The following TXNRD3 variants were observed in gnomAD, a reference collection of about 807,000 sequenced individuals.
The protein encoded by TXNRD3 is TXNRD3 neighbor gene protein.
TXNRD3 carries 68 observed loss-of-function variants against 78.2 expected under a neutral mutation model. The observed-to-expected ratio is 0.87, with a 90% confidence interval of 0.72 to 1.06. The LOEUF is 1.06. TXNRD3 is among the 50% of genes least tolerant of loss of function. The probability of loss-of-function intolerance (pLI) is 0.00; values close to 1 mark genes in which losing one functional copy is unlikely to be tolerated. For synonymous variants in TXNRD3, 296 were observed against 300.1 expected (o/e 0.99, Z 0.14); for missense variants, 751 against 809.5 (o/e 0.93, Z 0.88).
Position 126,621,076 on chromosome 3 carries a change from T to C in TXNRD3, c.1524+666A>G, listed in dbSNP as rs1388049614. On this transcript the variant is annotated intron_variant, in intron 12 of 15. Transcript: ENST00000524230. ...CAAGCACTACAGGTCTCTGCGTCCT[T>C]AGCCGAGTTATCTGCCCACCTGAAA... 2.3e-4 allele frequency among the ~76,000 whole-genome samples: 35 copies of C among 152,188 alleles called. 2 individuals are homozygous for C. Among genetic ancestry groups the C allele is most frequent in the Admixed American group, 2.3e-3 (35 of 15,282 alleles).
intron 2 of TXNRD3, among the ~76,000 whole-genome samples, chr3:126,646,638 T>C (rs938201674): frequency 5.9e-5 from 9 of 152,220 alleles, no homozygotes; most frequent in African/African-American, 2.2e-4. Flanking sequence ...GGTCCATCAC[T>C]ACTTAAGACT....
chr3:126,613,384 A>C (rs532207708), intron 13 of TXNRD3, among the ~76,000 whole-genome samples: 12 of 152,104 alleles, frequency 7.9e-5, no homozygotes, highest in Non-Finnish European at 1.6e-4. Context: ...ATACAGTTAT[A>C]CTCTTAGCTA....
At chr3:126,621,679 G>C (rs1938459274) in intron 12 of TXNRD3, 63 bp downstream of exon 12, 1 of 1,379,160 alleles carries the variant, frequency 7.3e-7, no homozygotes, top group South Asian at 1.7e-5. Context: ...AGTTTTACTT[G>C]TATTAGTTTT....
chr3:126,621,315 G>C (rs942273206), intron 12 of TXNRD3, among the ~76,000 whole-genome samples: 1 of 152,210 alleles, frequency 6.6e-6, no homozygotes, highest in Non-Finnish European at 1.5e-5. Context: ...CCAGAATCCT[G>C]ATTCATGCCA....
intron 3 of TXNRD3, among the ~76,000 whole-genome samples, chr3:126,645,468 AAC>A (rs969353934): frequency 8.5e-5 from 13 of 152,342 alleles, no homozygotes; most frequent in African/African-American, 3.1e-4. Context: ...ATCATAGATT[AAC>A]ACACAACATA....
chr3:126,631,006 G>A, intron 8 of TXNRD3, 69 bp from the exon 9 acceptor site: 1 of 1,410,506 alleles, frequency 7.1e-7, no homozygotes, highest in Non-Finnish European at 9.5e-7. Flanking sequence ...ATGTTTCAGT[G>A]TATAATGGTC....
chr3:126,612,430 C>T (rs1267967887), intron 13 of TXNRD3, among the ~76,000 whole-genome samples: 2 of 152,122 alleles, frequency 1.3e-5, no homozygotes, highest in African/African-American at 2.4e-5. Context: ...CCTAAAAATA[C>T]ACCTCTAAGG....
At chr3:126,636,711 T>C (rs1442860039) in intron 6 of TXNRD3, among the ~76,000 whole-genome samples, 1 of 152,156 alleles carries the variant, frequency 6.6e-6, no homozygotes, top group Non-Finnish European at 1.5e-5. Context: ...GGCACCTCTA[T>C]GGGGTATAGT....
At chr3:126,609,061 A>T (rs1231066926) in intron 14 of TXNRD3, 10 of 311,680 alleles carry the variant, frequency 3.2e-5, no homozygotes, top group African/African-American at 2.2e-4. Context: ...TCAAGTGGAG[A>T]CAAAGGAGAG....
intron 10 of TXNRD3, chr3:126,625,281 A>T (rs1576286369): frequency 6.9e-6 from 1 of 144,128 alleles, no homozygotes; most frequent in South Asian, 2.4e-4. Flanking sequence ...CATTAGGTAT[A>T]TCTCCTAATG....
chr3:126,614,919 C>G (rs116338003), intron 13 of TXNRD3, among the ~76,000 whole-genome samples: 1 of 152,056 alleles, frequency 6.6e-6, no homozygotes, highest in Non-Finnish European at 1.5e-5. Context: ...TATAATTGGA[C>G]AGGGTTGGGG....
intron 1 of TXNRD3, among the ~76,000 whole-genome samples, chr3:126,652,447 G>A (rs1471794760): frequency 2.0e-5 from 3 of 152,166 alleles, no homozygotes; most frequent in Non-Finnish European, 2.9e-5. Flanking sequence ...CCCATAAAAA[G>A]AGTGAAAAAG....
chr3:126,651,965 G>C (rs1337699733), intron 1 of TXNRD3, among the ~76,000 whole-genome samples: 1 of 152,168 alleles, frequency 6.6e-6, no homozygotes, highest in African/African-American at 2.4e-5. Context: ...AAAAGGAAAA[G>C]AACGATAGAA....
intron 2 of TXNRD3, among the ~76,000 whole-genome samples, chr3:126,646,912 C>G (rs147336200): frequency 6.6e-6 from 1 of 152,278 alleles, no homozygotes; most frequent in East Asian, 1.9e-4. Flanking sequence ...GAAATGGGAG[C>G]GGATCCTTTT....
intron 1 of TXNRD3, among the ~76,000 whole-genome samples, chr3:126,649,174 T>C (rs1227715982): frequency 6.6e-6 from 1 of 152,116 alleles, no homozygotes; most frequent in Non-Finnish European, 1.5e-5. Flanking sequence ...AACTTAAAAA[T>C]GGGAAAGCAC....
chr3:126,616,585 C>T (rs1029953330), intron 12 of TXNRD3, among the ~76,000 whole-genome samples: 4 of 152,154 alleles, frequency 2.6e-5, no homozygotes, highest in African/African-American at 9.7e-5. Flanking sequence ...TACAAACCCC[C>T]CACTGTGCTG....
intron 10 of TXNRD3, chr3:126,625,847 C>G (rs1938568490): frequency 6.6e-6 from 1 of 152,266 alleles, no homozygotes; most frequent in Admixed American, 6.5e-5. Context: ...GCCATTCTAA[C>G]TGGTGTGAGA....
intron 13 of TXNRD3, among the ~76,000 whole-genome samples, chr3:126,611,914 G>A (rs544053652): frequency 6.6e-6 from 1 of 152,160 alleles, no homozygotes; most frequent in Admixed American, 6.5e-5. Flanking sequence ...TGCATGTAGA[G>A]TTAAAACAAA....
At chr3:126,608,699 C>T in intron 14 of TXNRD3, 66 bp from the exon 15 acceptor site, 1 of 1,450,206 alleles carries the variant, frequency 6.9e-7, no homozygotes, top group Non-Finnish European at 9.1e-7. Flanking sequence ...GATCCATTCA[C>T]TGCAAATTCA....
Sources: allele counts gnomAD v4.1 joint callset (sites outside exome capture counted in the v4.1 genomes callset), GRCh38; gene constraint gnomAD v4.1.1; transcripts MANE v1.5; gene names NCBI Gene and HGNC (gene_info 2026-07-23, HGNC 2026-07-21).